The following ZNF516 variants were observed in gnomAD, a reference collection of about 807,000 sequenced individuals.
ZNF516 encodes the protein zinc finger protein 516.
ZNF516 carries 19 observed loss-of-function variants against 79.7 expected under a neutral mutation model. The ratio of observed to expected loss-of-function variants is 0.24; its 90% CI spans 0.17 to 0.35. ZNF516 has a LOEUF of 0.35. ZNF516 is among the 10% of genes least tolerant of loss of function. The pLI is 1.00. For synonymous variants in ZNF516, 877 were observed against 739.5 expected (o/e 1.19, Z -3.02); for missense variants, 1,678 against 1,679.5 (o/e 1.00, Z 0.02).
At chr18:76,449,305 C>T (rs1332254540) in intron 2 of ZNF516, among the ~76,000 whole-genome samples, 1 of 152,222 alleles carries the variant, frequency 6.6e-6, no homozygotes, top group Non-Finnish European at 1.5e-5. Flanking sequence ...GCCCTGAGCC[C>T]TACTCCGGCC....
chr18:76,490,184 G>A (rs1915082600), intron 1 of ZNF516: 2 of 985,252 alleles, frequency 2.0e-6, no homozygotes, highest in African/African-American at 1.7e-5. Flanking sequence ...TGGCCATGGG[G>A]GTCACTCCTG....
intron 3 of ZNF516, among the ~76,000 whole-genome samples, chr18:76,438,773 G>T (rs1368198921): frequency 6.6e-6 from 1 of 152,216 alleles, no homozygotes; most frequent in Non-Finnish European, 1.5e-5. Flanking sequence ...ATTCCCAGAT[G>T]TCAAAGAAAA....
At chr18:76,428,633 G>A (rs2075625133) in intron 3 of ZNF516, among the ~76,000 whole-genome samples, 1 of 152,268 alleles carries the variant, frequency 6.6e-6, no homozygotes, top group Non-Finnish European at 1.5e-5. Context: ...AGCAGGCTGA[G>A]GAACAAGACA....
chr18:76,363,056 G>A lies in ZNF516; in HGVS notation c.3433-499C>T, dbSNP rs185184696. Among the ~76,000 whole-genome samples the A allele has an allele frequency of 4.5e-3, 690 of 152,294 alleles. 5 individuals carry two copies. Among genetic ancestry groups the A allele is most frequent in the African/African-American group, 0.015 (638 of 41,558 alleles). ...CGTAGGTCTGTCAGAACTTCAGAGCGTGTTCACCCATTTCCATAAACAATT... is the reference window on the plus strand; with the variant it reads ...CGTAGGTCTGTCAGAACTTCAGAGCATGTTCACCCATTTCCATAAACAATT... On this transcript the variant is annotated intron_variant, in intron 6 of 6. Transcript: ENST00000443185.
At chr18:76,422,891 A>C (rs1472625248) in intron 3 of ZNF516, among the ~76,000 whole-genome samples, 1 of 152,258 alleles carries the variant, frequency 6.6e-6, no homozygotes, top group Admixed American at 6.5e-5. Context: ...CAAATCCTTA[A>C]GAAAAGCAAA....
rs549403192 is a variant in ZNF516 at position 76,475,025 on chromosome 18, G to C, written c.-271-11884C>G. On this transcript the variant is annotated intron_variant, in intron 1 of 6. Transcript: ENST00000443185. ...TGAGAGATGAGTCAAGTCCACACCT[G>C]AAATCTTTCACACATTTTAAGAAAC... 2.0e-5 allele frequency among the ~76,000 whole-genome samples: 3 copies of C among 152,288 alleles called. No individual in the cohort carries two copies. In the East Asian group the frequency reaches 5.8e-4, roughly 29 times the overall value.
At position 76,490,642 on chromosome 18, in the gene ZNF516, G is replaced by A. The variant is rs376949054; in HGVS notation, c.-272+4502C>T. ...TTTCTTTAATAGTATTTACTCCATAGCCCCATGGTGAACGTACATCACTCA... is the reference window on the plus strand; with the variant it reads ...TTTCTTTAATAGTATTTACTCCATAACCCCATGGTGAACGTACATCACTCA... On this transcript the variant is annotated intron_variant, in intron 1 of 6. Transcript: ENST00000443185. 1.9e-5 allele frequency: 8 copies of A among 413,986 alleles called. No homozygotes were observed. The East Asian group carries it at 6.3e-4, about 33-fold the overall frequency. 25.6% of individuals were successfully genotyped at this position (413,986 alleles called of 1,614,324 possible).
At chr18:76,417,946 T>C (rs978035706) in intron 3 of ZNF516, among the ~76,000 whole-genome samples, 1 of 152,264 alleles carries the variant, frequency 6.6e-6, no homozygotes, top group Non-Finnish European at 1.5e-5. Context: ...GGGTCAAGTA[T>C]AGCAGTGACG....
chr18:76,454,969 C>T (rs1912629608), intron 2 of ZNF516, among the ~76,000 whole-genome samples: 2 of 152,196 alleles, frequency 1.3e-5, no homozygotes, highest in Admixed American at 6.5e-5. Flanking sequence ...AAATTTAAAA[C>T]GTAACAAGGC....
At chr18:76,407,296 GCA>G (rs2075316052) in intron 3 of ZNF516, among the ~76,000 whole-genome samples, 1 of 152,152 alleles carries the variant, frequency 6.6e-6, no homozygotes, top group South Asian at 2.1e-4. Context: ...ATGGTGGTGT[GCA>G]CCTGTTGTTT....
Position 76,371,449 on chromosome 18 carries a change from T to C in ZNF516, c.3364+18A>G. 15 of 1,598,060 alleles carry C rather than the reference T, an allele frequency of 9.4e-6. No individual in the cohort carries two copies. The highest frequency in any genetic ancestry group is 1.3e-5 in the Non-Finnish European group (15 of 1,176,860). ...TTCCTCTGCTCCCCTTGGGGATAGCTGGGCGGGAGGGCGATACCTGAGTGT... is the reference window on the plus strand; with the variant it reads ...TTCCTCTGCTCCCCTTGGGGATAGCCGGGCGGGAGGGCGATACCTGAGTGT... On this transcript the variant is annotated intron_variant, in intron 5 of 6. Transcript: ENST00000443185.
In ZNF516 at chr18:76,459,968, C is replaced by A. The variant is rs1251253515; in HGVS notation, c.-158+3060G>T. On this transcript the variant is annotated intron_variant, in intron 2 of 6. Coordinates refer to ENST00000443185, the MANE Select transcript of ZNF516 (RefSeq NM_014643.4). The surrounding 1 kb of genome is among the most constrained non-coding windows in gnomAD (Gnocchi z 5.0). ...CCCAAATAATGAATCATGTCCACTG[C>A]ACTAGAATGCAGTCTTTTAACCACT... is the stretch of plus-strand genomic sequence containing the variant. Among the ~76,000 whole-genome samples, 3 of 152,210 alleles carry A rather than the reference C, an allele frequency of 2.0e-5. No homozygotes were observed. Among genetic ancestry groups the A allele is most frequent in the Non-Finnish European group, 2.9e-5 (2 of 68,038 alleles).
intron 3 of ZNF516, among the ~76,000 whole-genome samples, chr18:76,390,061 C>T (rs1376368223): frequency 6.6e-6 from 1 of 152,226 alleles, no homozygotes; most frequent in African/African-American, 2.4e-5. Flanking sequence ...ATACCAAGCA[C>T]AAAACCACGA....
chr18:76,491,671 C>A, intron 1 of ZNF516: 1 of 596,282 alleles, frequency 1.7e-6, no homozygotes, highest in Non-Finnish European at 2.1e-6. Flanking sequence ...GGCCACCGCC[C>A]CCACCCCGGG....
chr18:76,434,354 C>A (rs2075702690), intron 3 of ZNF516, among the ~76,000 whole-genome samples: 1 of 152,316 alleles, frequency 6.6e-6, no homozygotes, highest in Middle Eastern at 3.4e-3. Flanking sequence ...AGCACTACCC[C>A]TCCTGCAGAC....
chr18:76,414,338 C>G (rs1161419391), intron 3 of ZNF516, among the ~76,000 whole-genome samples: 1 of 152,198 alleles, frequency 6.6e-6, no homozygotes, highest in Non-Finnish European at 1.5e-5. Context: ...ACCAGTTCCA[C>G]GTGTTATTTT....
chr18:76,461,070 T>C (rs1913074848), intron 2 of ZNF516, among the ~76,000 whole-genome samples: 1 of 152,082 alleles, frequency 6.6e-6, no homozygotes, highest in African/African-American at 2.4e-5. Flanking sequence ...TAATCCCAGC[T>C]ACTTGGGAGG....
At chr18:76,424,628 C>T (rs1356770579) in intron 3 of ZNF516, among the ~76,000 whole-genome samples, 6 of 116,488 alleles carry the variant, frequency 5.2e-5, no homozygotes, top group Admixed American at 1.8e-4. Flanking sequence ...GGTGAAAAGG[C>T]TCCCCCGAAA....
At chr18:76,476,698 C>T (rs1262037219) in intron 1 of ZNF516, among the ~76,000 whole-genome samples, 1 of 152,194 alleles carries the variant, frequency 6.6e-6, no homozygotes, top group Non-Finnish European at 1.5e-5. Flanking sequence ...CCTCCAAAAC[C>T]AGTCATGGTT....
Sources: allele counts gnomAD v4.1 joint callset (sites outside exome capture counted in the v4.1 genomes callset), GRCh38; gene constraint gnomAD v4.1.1; non-coding constraint Gnocchi (gnomAD v3.1); transcripts MANE v1.5; gene names NCBI Gene and HGNC (gene_info 2026-07-23, HGNC 2026-07-21).